The following AFG2A variants were observed in gnomAD, a reference collection of about 807,000 sequenced individuals.
AFG2A encodes the protein ATPase family gene 2 protein homolog A.
chr4:123,050,149 G>A, the AFG2A span, among the ~76,000 whole-genome samples: 10 of 151,908 alleles, frequency 6.6e-5, no homozygotes, highest in African/African-American at 2.4e-4. Context: ...TTGTTGTGGT[G>A]GTTGTGGTCA....
chr4:123,037,753 G>A, the AFG2A span, among the ~76,000 whole-genome samples: 1 of 152,000 alleles, frequency 6.6e-6, no homozygotes, highest in Non-Finnish European at 1.5e-5. Context: ...GTAAAATCTT[G>A]TTTTAAATTT....
the AFG2A span, among the ~76,000 whole-genome samples, chr4:123,061,515 T>A: frequency 2.0e-5 from 3 of 152,194 alleles, no homozygotes; most frequent in Admixed American, 2.0e-4. Flanking sequence ...CTCCCCTTTA[T>A]AAAATCATTA....
At chr4:123,240,428 C>A in the AFG2A span, among the ~76,000 whole-genome samples, 1 of 152,196 alleles carries the variant, frequency 6.6e-6, no homozygotes, top group African/African-American at 2.4e-5. Flanking sequence ...AACAAACTGT[C>A]TCTCTGACCA....
chr4:123,134,889 A>T, the AFG2A span, among the ~76,000 whole-genome samples: 6 of 152,118 alleles, frequency 3.9e-5, no homozygotes, highest in African/African-American at 1.2e-4. Flanking sequence ...AAGAGGAGGG[A>T]ATACCTCCAG....
At chr4:122,979,170 T>A in the AFG2A span, 5 of 1,556,754 alleles carry the variant, frequency 3.2e-6, no homozygotes, top group Middle Eastern at 5.7e-4. Context: ...ACCGGAGCCA[T>A]CAATTCAGTC....
the AFG2A span, among the ~76,000 whole-genome samples, chr4:123,105,278 C>T: frequency 6.6e-6 from 1 of 151,964 alleles, no homozygotes; most frequent in African/African-American, 2.4e-5. Flanking sequence ...ACAGTTTTCT[C>T]AATATTTGAA....
chr4:123,195,501 A>G, the AFG2A span, among the ~76,000 whole-genome samples: 1 of 152,192 alleles, frequency 6.6e-6, no homozygotes, highest in South Asian at 2.1e-4. Flanking sequence ...CAATGGTTGT[A>G]GAAAAAGGGA....
At chr4:122,968,743 A>C in the AFG2A span, among the ~76,000 whole-genome samples, 11 of 152,222 alleles carry the variant, frequency 7.2e-5, no homozygotes, top group East Asian at 2.1e-3. Flanking sequence ...TACTGCCAAA[A>C]CGTTTTTGTA....
the AFG2A span, among the ~76,000 whole-genome samples, chr4:123,299,875 AC>A: frequency 1.3e-5 from 2 of 152,190 alleles, no homozygotes; most frequent in African/African-American, 4.8e-5. Context: ...TACCAAAACA[AC>A]CTTATCAAGT....
At chr4:123,138,383 A>G in the AFG2A span, among the ~76,000 whole-genome samples, 27 of 149,204 alleles carry the variant, frequency 1.8e-4, no homozygotes, top group Non-Finnish European at 2.5e-4. Context: ...CTAAGTATGT[A>G]TGACTTCTAA....
chr4:122,988,837 G>A, the AFG2A span, among the ~76,000 whole-genome samples: 2 of 151,658 alleles, frequency 1.3e-5, no homozygotes, highest in East Asian at 1.9e-4. Flanking sequence ...TTTTGTTTTT[G>A]TGACAAGATA....
At chr4:123,250,179 G>C in the AFG2A span, among the ~76,000 whole-genome samples, 1 of 152,084 alleles carries the variant, frequency 6.6e-6, no homozygotes, top group Admixed American at 6.5e-5. Context: ...TTGAGCATTT[G>C]ATAGAACATG....
the AFG2A span, among the ~76,000 whole-genome samples, chr4:123,261,804 G>A: frequency 6.6e-6 from 1 of 152,032 alleles, no homozygotes; most frequent in Non-Finnish European, 1.5e-5. Context: ...TTTAGAGACA[G>A]GGTCTCATTC....
chr4:123,181,827 T>A, the AFG2A span, among the ~76,000 whole-genome samples: 1 of 152,188 alleles, frequency 6.6e-6, no homozygotes, highest in Non-Finnish European at 1.5e-5. Flanking sequence ...ACTTCATATG[T>A]GAAGAATTTA....
the AFG2A span, among the ~76,000 whole-genome samples, chr4:123,152,772 G>A: frequency 6.6e-6 from 1 of 152,142 alleles, no homozygotes; most frequent in African/African-American, 2.4e-5. Context: ...AAAAGGAGTT[G>A]AAAACATGTC....
chr4:123,188,038 A>G, the AFG2A span, among the ~76,000 whole-genome samples: 5 of 150,964 alleles, frequency 3.3e-5, no homozygotes, highest in African/African-American at 1.2e-4. Context: ...TTTTAATGTT[A>G]TATTTCTGGA....
the AFG2A span, among the ~76,000 whole-genome samples, chr4:123,044,832 A>T: frequency 6.6e-6 from 1 of 151,818 alleles, no homozygotes; most frequent in African/African-American, 2.4e-5. Flanking sequence ...TCTGTCTCCA[A>T]ATTTACTGAT....
At chr4:123,076,154 C>G in the AFG2A span, among the ~76,000 whole-genome samples, 2 of 151,894 alleles carry the variant, frequency 1.3e-5, no homozygotes, top group African/African-American at 4.8e-5. Context: ...ACCTATAGTT[C>G]TAGCTACTTG....
chr4:123,316,275 A>C, the AFG2A span: 1 of 152,308 alleles, frequency 6.6e-6, no homozygotes, highest in Non-Finnish European at 1.5e-5. Flanking sequence ...ATTTTAATTA[A>C]ATTAATTACA....
Sources: allele counts gnomAD v4.1 joint callset (sites outside exome capture counted in the v4.1 genomes callset), GRCh38; gene constraint gnomAD v4.1.1; transcripts MANE v1.5; gene names NCBI Gene and HGNC (gene_info 2026-07-23, HGNC 2026-07-21).